Variants in PCDH9 observed in about 807,000 individuals in gnomAD.
PCDH9 encodes protocadherin-9.
PCDH9 carries 24 observed loss-of-function variants against 70.6 expected under a neutral mutation model. That is an observed-to-expected ratio of 0.34 (90% CI 0.25 to 0.48). The LOEUF is 0.48. Among genes scored for constraint, PCDH9 ranks in the 20% least tolerant of loss-of-function variants. The pLI is 0.99. For missense variants in PCDH9, 1,281 were observed against 1,503.6 expected (o/e 0.85, Z 2.45); for synonymous variants, 562 against 558.5 (o/e 1.01, Z -0.09).
intron 4 of PCDH9, among the ~76,000 whole-genome samples, chr13:66,404,889 C>T (rs1957253310): frequency 6.6e-6 from 1 of 152,088 alleles, no homozygotes; most frequent in African/African-American, 2.4e-5. Flanking sequence ...TAGAAACATT[C>T]CTGCTTATAA....
intron 3 of PCDH9, among the ~76,000 whole-genome samples, chr13:66,687,495 C>G (rs1027313364): frequency 6.6e-6 from 1 of 152,094 alleles, no homozygotes; most frequent in African/African-American, 2.4e-5. Flanking sequence ...TCAGTCCTCA[C>G]TCTATGTAGA....
chr13:66,698,634 A>G (rs2139100337), intron 3 of PCDH9, among the ~76,000 whole-genome samples: 1 of 152,238 alleles, frequency 6.6e-6, no homozygotes, highest in South Asian at 2.1e-4. Flanking sequence ...GCTGGAGTGC[A>G]GTGGTGTGAT....
At chr13:66,459,726 G>C (rs1334606541) in intron 4 of PCDH9, among the ~76,000 whole-genome samples, 1 of 151,936 alleles carries the variant, frequency 6.6e-6, no homozygotes, top group Non-Finnish European at 1.5e-5. Flanking sequence ...GTATTCGCAT[G>C]CTTTAAGCTA....
At chr13:66,787,428 C>T (rs921078267) in intron 3 of PCDH9, among the ~76,000 whole-genome samples, 9 of 151,818 alleles carry the variant, frequency 5.9e-5, no homozygotes, top group African/African-American at 1.9e-4. Context: ...CCAGCCTGGC[C>T]AAGATAGTGA....
At chr13:66,502,425 AT>A (rs1470107871) in intron 4 of PCDH9, among the ~76,000 whole-genome samples, 1 of 152,090 alleles carries the variant, frequency 6.6e-6, no homozygotes, top group Non-Finnish European at 1.5e-5. Flanking sequence ...TGATCAAAAT[AT>A]TTTTTCTTAA....
intron 2 of PCDH9, among the ~76,000 whole-genome samples, chr13:67,176,347 T>G (rs1387070465): frequency 6.6e-6 from 1 of 152,134 alleles, no homozygotes; most frequent in African/African-American, 2.4e-5. Context: ...TCCCCCATGC[T>G]TAACCAGATG....
At chr13:66,814,696 T>C (rs2080569769) in intron 3 of PCDH9, among the ~76,000 whole-genome samples, 1 of 152,142 alleles carries the variant, frequency 6.6e-6, no homozygotes, top group Non-Finnish European at 1.5e-5. Context: ...CTGGGATAAC[T>C]AGCTAGCCAT....
intron 4 of PCDH9, among the ~76,000 whole-genome samples, chr13:66,382,907 C>T (rs1223877360): frequency 1.3e-5 from 2 of 152,130 alleles, no homozygotes; most frequent in Non-Finnish European, 2.9e-5. Context: ...TGGCGCATGT[C>T]TGTAATCCCA....
chr13:66,312,096 T>C lies in PCDH9; in HGVS notation c.3341-7068A>G, dbSNP rs970054043. On this transcript the variant is annotated intron_variant, in intron 4 of 4. Transcript: ENST00000377865. ...GATAGGCAAACAAATAAATAGATTT[T>C]AGCCCTAGTAGAATGATGAATTGGT... Among the ~76,000 whole-genome samples, 5 of 152,216 alleles carry C rather than the reference T, an allele frequency of 3.3e-5. No homozygotes were observed. In the East Asian group the frequency reaches 7.7e-4, roughly 23 times the overall value.
At chr13:66,920,980 A>G (rs1421368088) in intron 2 of PCDH9, among the ~76,000 whole-genome samples, 1 of 151,282 alleles carries the variant, frequency 6.6e-6, no homozygotes, top group East Asian at 1.9e-4. Context: ...ACATAAAACT[A>G]TCTTAGAGTG....
chr13:67,207,257 C>T (rs2089373180), intron 2 of PCDH9: 1 of 151,512 alleles, frequency 6.6e-6, no homozygotes, highest in African/African-American at 2.4e-5. Context: ...TGACTAACTA[C>T]AAGTTTATGT....
At chr13:66,707,109 C>T (rs559716686) in intron 3 of PCDH9, among the ~76,000 whole-genome samples, 2 of 152,024 alleles carry the variant, frequency 1.3e-5, no homozygotes, top group Admixed American at 1.3e-4. Context: ...CCTCTTACCC[C>T]CACAAAAAAT....
intron 2 of PCDH9, chr13:67,206,227 ATGATCTCGGCTC>A (rs1338960867): frequency 6.6e-6 from 1 of 152,204 alleles, no homozygotes; most frequent in African/African-American, 2.4e-5. Context: ...GTGCAGTGGC[ATGATCTCGGCTC>A]ACTGCAAGCT....
intron 4 of PCDH9, among the ~76,000 whole-genome samples, chr13:66,501,047 TG>T (rs1010446308): frequency 2.0e-5 from 3 of 152,268 alleles, no homozygotes; most frequent in Admixed American, 6.5e-5. Context: ...AATTGATAAG[TG>T]GTAATATTTA....
chr13:66,824,642 C>T (rs1423580057), intron 3 of PCDH9, among the ~76,000 whole-genome samples: 36 of 84,884 alleles, frequency 4.2e-4, no homozygotes, highest in Admixed American at 3.0e-3. Context: ...GCAACAAGAG[C>T]GAAACTCTGA....
intron 2 of PCDH9, among the ~76,000 whole-genome samples, chr13:67,120,030 T>C (rs1421320887): frequency 6.6e-6 from 1 of 152,012 alleles, no homozygotes; most frequent in African/African-American, 2.4e-5. Flanking sequence ...AAAACATCAC[T>C]TCTTTAATCA....
intron 4 of PCDH9, among the ~76,000 whole-genome samples, chr13:66,623,559 C>G (rs1202737914): frequency 6.6e-6 from 1 of 152,222 alleles, no homozygotes; most frequent in African/African-American, 2.4e-5. Flanking sequence ...CCACCTCAGC[C>G]TCCTTAGTAG....
intron 2 of PCDH9, among the ~76,000 whole-genome samples, chr13:66,941,740 C>T (rs1229785544): frequency 6.6e-6 from 1 of 151,866 alleles, no homozygotes; most frequent in Non-Finnish European, 1.5e-5. Flanking sequence ...TTTCAATATA[C>T]ATGAAGTAAA....
chr13:66,928,585 G>T (rs996136785), intron 2 of PCDH9, among the ~76,000 whole-genome samples: 5 of 152,054 alleles, frequency 3.3e-5, no homozygotes, highest in African/African-American at 1.2e-4. Context: ...AGGTGATTAG[G>T]TCATAAGGGC....
Sources: allele counts gnomAD v4.1 joint callset (sites outside exome capture counted in the v4.1 genomes callset), GRCh38; gene constraint gnomAD v4.1.1; transcripts MANE v1.5; gene names NCBI Gene and HGNC (gene_info 2026-07-23, HGNC 2026-07-21).